The following PRKCE variants were observed in gnomAD, a reference collection of about 807,000 sequenced individuals.
The protein encoded by PRKCE is protein kinase C epsilon, also known as protein kinase C epsilon type.
In PRKCE, 16 loss-of-function variants were observed where a neutral mutation model predicts 85.4. The ratio of observed to expected loss-of-function variants is 0.19; its 90% CI spans 0.13 to 0.28. The LOEUF (loss-of-function observed/expected upper bound fraction) is 0.28. Among genes scored for constraint, PRKCE ranks in the 10% least tolerant of loss-of-function variants. PRKCE has a pLI of 1.00. For missense variants in PRKCE, 573 were observed against 975.2 expected (o/e 0.59, Z 5.49); for synonymous variants, 388 against 371.5 (o/e 1.04, Z -0.51).
At chr2:45,913,665 T>C (rs13010241) in intron 2 of PRKCE, among the ~76,000 whole-genome samples, 37,391 of 152,150 alleles carry the variant, frequency 0.25, 5,672 homozygotes, top group South Asian at 0.38. Flanking sequence ...AGTAAACCAG[T>C]TTTTCTGTCT....
At chr2:46,057,987 C>T (rs1036327429) in intron 10 of PRKCE, among the ~76,000 whole-genome samples, 1 of 152,238 alleles carries the variant, frequency 6.6e-6, no homozygotes, top group Admixed American at 6.5e-5. Flanking sequence ...GAATGCGAAC[C>T]TTGGTCAGAC....
intron 1 of PRKCE, among the ~76,000 whole-genome samples, chr2:45,780,877 C>G (rs1686127961): frequency 6.6e-6 from 1 of 152,236 alleles, no homozygotes; most frequent in Non-Finnish European, 1.5e-5. Flanking sequence ...CAATTCTCAG[C>G]TAGCTCATCC....
intron 2 of PRKCE, among the ~76,000 whole-genome samples, chr2:45,958,806 ATATATATATATTTTTTTTTTTTT>A (rs1558885649): frequency 3.1e-4 from 7 of 22,518 alleles, no homozygotes; most frequent in South Asian, 3.1e-3. Context: ...ATATATATAT[ATATATATATATTTTTTTTTTTTT>A]TTTTTTTTTT....
chr2:45,805,279 G>GA (rs765097950), intron 1 of PRKCE, among the ~76,000 whole-genome samples: 1 of 152,192 alleles, frequency 6.6e-6, no homozygotes. Context: ...AACCCAGTTG[G>GA]ACAGCATGAT....
intron 10 of PRKCE, among the ~76,000 whole-genome samples, chr2:46,011,968 T>C: frequency 6.6e-6 from 1 of 152,212 alleles, no homozygotes; most frequent in East Asian, 1.9e-4. Context: ...GAGACCACTA[T>C]TTAATAGGAA....
rs375268582 is a variant in PRKCE, at chr2:45,732,934, C to G, written c.348+80486C>G. Among the ~76,000 whole-genome samples the G allele has an allele frequency of 1.2e-4, 19 of 152,234 alleles. No individual in the cohort carries two copies. The South Asian group carries it at 2.9e-3, about 23-fold the overall frequency. On this transcript the variant is annotated intron_variant, in intron 1 of 14. Transcript: ENST00000306156. ...ATGGATGTCCTAGATCAAGGGTCGA[C>G]GACTTTCTTTAAAGGATCAGAGAGT... is the stretch of plus-strand genomic sequence containing the variant.
chr2:45,670,296 G>A (rs1676098100), intron 1 of PRKCE, among the ~76,000 whole-genome samples: 1 of 152,200 alleles, frequency 6.6e-6, no homozygotes, highest in African/African-American at 2.4e-5. Flanking sequence ...TTTTCTTTCT[G>A]AAGGAGAAAG....
intron 1 of PRKCE, among the ~76,000 whole-genome samples, chr2:45,773,379 C>G (rs1178745538): frequency 6.6e-6 from 1 of 152,160 alleles, no homozygotes; most frequent in African/African-American, 2.4e-5. Flanking sequence ...TGAGCCTGGC[C>G]CTGTGCTAAG....
intron 14 of PRKCE, among the ~76,000 whole-genome samples, chr2:46,168,846 T>A (rs908174319): frequency 6.6e-6 from 1 of 152,144 alleles, no homozygotes; most frequent in Admixed American, 6.5e-5. Context: ...AGCCCCCTTC[T>A]CATCTTGGGT....
chr2:45,859,093 A>T (rs968188363), intron 2 of PRKCE, among the ~76,000 whole-genome samples: 1 of 149,972 alleles, frequency 6.7e-6, no homozygotes, highest in Non-Finnish European at 1.5e-5. Context: ...AATAAATAAA[A>T]TAGTATCATC....
intron 6 of PRKCE, chr2:46,000,786 C>T (rs2345631): frequency 1.3e-5 from 2 of 152,134 alleles, no homozygotes; most frequent in African/African-American, 4.8e-5. Flanking sequence ...CAGCATTGTT[C>T]CTACAGAGGT....
chr2:46,107,655 A>C lies in PRKCE; in HGVS notation c.1592+21293A>C, dbSNP rs867674505. ...CTAAACTGTCTTGCAAAGTGGCTGA[A>C]ATCATTTTGCATTTCTATCAACAGT... is the stretch of plus-strand genomic sequence containing the variant. On this transcript the variant is annotated intron_variant, in intron 11 of 14. Coordinates refer to ENST00000306156, the MANE Select transcript of PRKCE (RefSeq NM_005400.3). Among the ~76,000 whole-genome samples, 16 of 152,336 alleles carry C rather than the reference A, an allele frequency of 1.1e-4. No individual in the cohort carries two copies. In the Middle Eastern group the frequency reaches 0.01, roughly 97 times the overall value.
At position 46,153,553 on chromosome 2, in the gene PRKCE, G is replaced by A. The variant is rs1162575388; in HGVS notation, c.1920+2324G>A. ...CTGTCCCATGAGGGGACACTAAGGC[G>A]AGGTTTCAGTCAGGTGGCTACTGGG... On this transcript the variant is annotated intron_variant, in intron 13 of 14. Transcript: ENST00000306156. Among the ~76,000 whole-genome samples, 8 of 152,272 alleles carry A rather than the reference G, an allele frequency of 5.3e-5. No individual in the cohort carries two copies. In the East Asian group the frequency reaches 5.8e-4, roughly 11 times the overall value.
intron 10 of PRKCE, among the ~76,000 whole-genome samples, chr2:46,070,296 A>G (rs1005401874): frequency 6.6e-6 from 1 of 152,238 alleles, no homozygotes; most frequent in Non-Finnish European, 1.5e-5. Context: ...TGGACCCTCA[A>G]TACACATTTT....
At chr2:46,088,677 C>G (rs747376034) in intron 11 of PRKCE, among the ~76,000 whole-genome samples, 2 of 152,166 alleles carry the variant, frequency 1.3e-5, no homozygotes, top group Non-Finnish European at 2.9e-5. Context: ...TTACAAGCTA[C>G]TTAGAGATGC....
chr2:45,723,237 T>C (rs976798025), intron 1 of PRKCE, among the ~76,000 whole-genome samples: 1 of 152,204 alleles, frequency 6.6e-6, no homozygotes, highest in Non-Finnish European at 1.5e-5. Flanking sequence ...ATTCTTCCCC[T>C]AGAGATTCTT....
intron 1 of PRKCE, among the ~76,000 whole-genome samples, chr2:45,772,983 G>A (rs1043249567): frequency 6.6e-6 from 1 of 152,172 alleles, no homozygotes; most frequent in Non-Finnish European, 1.5e-5. Flanking sequence ...GACTGGGAAG[G>A]CTTTCTGGGA....
Position 46,010,461 on chromosome 2 carries a change from G to T in PRKCE, c.1381G>T (p.Ala461Ser). The change falls in exon 10 of 15, where the codon GCT becomes TCT. Residue 461 changes from alanine to serine, a missense_variant. This residue lies in a region of PRKCE where 89 missense variants were observed against 154.1 expected (regional missense o/e 0.58). Coordinates refer to ENST00000306156, the MANE Select transcript of PRKCE (RefSeq NM_005400.3). ...DCTMTEKRIL[A>S]LARKHPYLTQ... The stretch of plus-strand genomic sequence containing the variant: ...CACAATGACAGAGAAGAGGATTTTG[G>T]CTCTGGCACGGAAACACCCGTACCT... 6.3e-7 allele frequency: 1 copy of T among 1,599,664 alleles called. No individual in the cohort carries two copies. Among genetic ancestry groups the T allele is most frequent in the Non-Finnish European group, 8.5e-7 (1 of 1,179,928 alleles).
At chr2:45,793,325 C>T (rs1687175284) in intron 1 of PRKCE, among the ~76,000 whole-genome samples, 1 of 152,158 alleles carries the variant, frequency 6.6e-6, no homozygotes, top group Admixed American at 6.5e-5. Context: ...CGCTTGTTCT[C>T]TTTCTTCTTC....
Sources: allele counts gnomAD v4.1 joint callset (sites outside exome capture counted in the v4.1 genomes callset), GRCh38; gene constraint gnomAD v4.1.1; regional missense constraint gnomAD v4.1.1; transcripts MANE v1.5; gene names NCBI Gene and HGNC (gene_info 2026-07-23, HGNC 2026-07-21).